Variants in PLCL2 observed in about 807,000 individuals in gnomAD.
PLCL2 encodes inactive phospholipase C-like protein 2.
In PLCL2, 4 loss-of-function variants were observed where a neutral mutation model predicts 79.6. The observed-to-expected ratio is 0.05, with a 90% CI of 0.02 to 0.11. The LOEUF (loss-of-function observed/expected upper bound fraction) is 0.11, where lower values mean the gene tolerates loss of function less well. Among genes scored for constraint, PLCL2 ranks in the 10% least tolerant of loss-of-function variants. PLCL2 has a pLI of 1.00. For missense variants in PLCL2, 895 were observed against 1,291.0 expected, an observed-to-expected ratio of 0.69 and a Z score of 4.70; for synonymous variants, 484 against 457.7, an observed-to-expected ratio of 1.06 and a Z score of -0.73.
chr3:16,944,956 C>T (rs756494405), intron 1 of PLCL2, among the ~76,000 whole-genome samples: 30 of 152,036 alleles, frequency 2.0e-4, no homozygotes, highest in Non-Finnish European at 4.0e-4. Context: ...GACGGGGTTT[C>T]ACCATGTTGG....
At chr3:17,022,020 G>A (rs998414361) in intron 3 of PLCL2, among the ~76,000 whole-genome samples, 1 of 152,112 alleles carries the variant, frequency 6.6e-6, no homozygotes, top group Non-Finnish European at 1.5e-5. Context: ...CTAGAGAACT[G>A]TTAGGGGGCA....
chr3:16,947,130 T>TA (rs1161582677), intron 1 of PLCL2, among the ~76,000 whole-genome samples: 2 of 151,148 alleles, frequency 1.3e-5, no homozygotes, highest in Non-Finnish European at 3.0e-5. Context: ...TAATTTTATT[T>TA]TTTTTTTTTT....
chr3:17,087,455 A>G (rs539328218), intron 5 of PLCL2, among the ~76,000 whole-genome samples: 3 of 152,370 alleles, frequency 2.0e-5, no homozygotes, highest in South Asian at 2.1e-4. Flanking sequence ...TTGAAAAGGC[A>G]GAACTGTGGA....
intron 1 of PLCL2, among the ~76,000 whole-genome samples, chr3:17,004,110 GCGTGTCACTCTTTGAAATTC>G (rs2064236575): frequency 6.6e-6 from 1 of 152,138 alleles, no homozygotes; most frequent in Non-Finnish European, 1.5e-5. Context: ...CCTTGGAGGG[GCGTGTCACTCTTTGAAATTC>G]CGTTCCCTTG....
chr3:16,912,235 GT>G (rs931626610), intron 1 of PLCL2, among the ~76,000 whole-genome samples: 11 of 146,892 alleles, frequency 7.5e-5, no homozygotes, highest in African/African-American at 1.7e-4. Flanking sequence ...CTTCACGTCA[GT>G]TTTTTTTTTT....
chr3:16,956,522 A>G (rs953295893), intron 1 of PLCL2, among the ~76,000 whole-genome samples: 6 of 152,120 alleles, frequency 3.9e-5, no homozygotes, highest in Non-Finnish European at 5.9e-5. Context: ...AGGCTTTGGT[A>G]TCAGGATGAT....
intron 1 of PLCL2, among the ~76,000 whole-genome samples, chr3:16,917,326 A>G (rs2124932052): frequency 6.6e-6 from 1 of 152,310 alleles, no homozygotes; most frequent in South Asian, 2.1e-4. Context: ...AGGTCAAAAC[A>G]TGCTCATTTG....
chr3:16,888,185 G>T (rs932017074), intron 1 of PLCL2, among the ~76,000 whole-genome samples: 1 of 152,174 alleles, frequency 6.6e-6, no homozygotes, highest in African/African-American at 2.4e-5. Flanking sequence ...TTGCTAAAGT[G>T]CAGGGCATAT....
intron 1 of PLCL2, among the ~76,000 whole-genome samples, chr3:16,913,509 A>G (rs114361450): frequency 0.014 from 2,174 of 152,088 alleles, 25 homozygotes; most frequent in African/African-American, 0.022. Flanking sequence ...AAGCAAACGA[A>G]TTAATATTTT....
intron 1 of PLCL2, among the ~76,000 whole-genome samples, chr3:16,923,081 C>T (rs948490777): frequency 2.0e-5 from 3 of 152,178 alleles, no homozygotes; most frequent in Non-Finnish European, 2.9e-5. Context: ...AAAATAAGCT[C>T]GGCTCCCCCA....
chr3:16,978,940 CT>C (rs2124985113), intron 1 of PLCL2, among the ~76,000 whole-genome samples: 1 of 152,290 alleles, frequency 6.6e-6, no homozygotes, highest in African/African-American at 2.4e-5. Flanking sequence ...TACGGAGATA[CT>C]TGCCCAAAGA....
intron 1 of PLCL2, among the ~76,000 whole-genome samples, chr3:16,958,602 A>G (rs1352123687): frequency 6.6e-6 from 1 of 152,224 alleles, no homozygotes; most frequent in Non-Finnish European, 1.5e-5. Flanking sequence ...GAAAAAAACT[A>G]ATGGACCAAT....
At chr3:16,892,452 T>C (rs1406032945) in intron 1 of PLCL2, among the ~76,000 whole-genome samples, 3 of 152,226 alleles carry the variant, frequency 2.0e-5, no homozygotes, top group Non-Finnish European at 4.4e-5. Context: ...TTTTTTGGTA[T>C]TTGGTTTCTT....
chr3:17,008,735 C>T (rs942106769), intron 1 of PLCL2, among the ~76,000 whole-genome samples: 5 of 152,150 alleles, frequency 3.3e-5, no homozygotes, highest in South Asian at 2.1e-4. Flanking sequence ...CTTCACTTAG[C>T]TCCTCTGTCA....
At chr3:16,960,171 C>T (rs116407124) in intron 1 of PLCL2, among the ~76,000 whole-genome samples, 1 of 152,328 alleles carries the variant, frequency 6.6e-6, no homozygotes, top group African/African-American at 2.4e-5. Context: ...CATATCACCA[C>T]TATCATTCAG....
intron 1 of PLCL2, among the ~76,000 whole-genome samples, chr3:16,956,307 T>C (rs2063705053): frequency 6.6e-6 from 1 of 152,222 alleles, no homozygotes. Flanking sequence ...TTGTTTTTGG[T>C]TCTGTTTATA....
intron 1 of PLCL2, among the ~76,000 whole-genome samples, chr3:16,996,122 G>A (rs2064150492): frequency 6.6e-6 from 1 of 152,160 alleles, no homozygotes; most frequent in Non-Finnish European, 1.5e-5. Flanking sequence ...ATCTAACCTG[G>A]AACAATTAGG....
intron 1 of PLCL2, among the ~76,000 whole-genome samples, chr3:16,975,460 T>G (rs1404514192): frequency 1.3e-5 from 2 of 152,200 alleles, no homozygotes; most frequent in Non-Finnish European, 2.9e-5. Context: ...TATAATAGTT[T>G]GGGACCCTTG....
chr3:16,897,885 C>T (rs1204644997), intron 1 of PLCL2, among the ~76,000 whole-genome samples: 3 of 152,194 alleles, frequency 2.0e-5, no homozygotes, highest in South Asian at 2.1e-4. Flanking sequence ...AGATTTCAGT[C>T]GTTACTTGTT....
Sources: allele counts gnomAD v4.1 joint callset (sites outside exome capture counted in the v4.1 genomes callset), GRCh38; gene constraint gnomAD v4.1.1; transcripts MANE v1.5; gene names NCBI Gene and HGNC (gene_info 2026-07-23, HGNC 2026-07-21).